MECOM: variants seen among roughly 807,000 people sequenced by gnomAD.
MECOM encodes MDS1 and EVI1 complex locus, also known as histone-lysine N-methyltransferase MECOM.
MECOM carries 13 observed loss-of-function variants against 116.3 expected under a neutral mutation model. The ratio of observed to expected loss-of-function variants is 0.11; its 90% confidence interval spans 0.07 to 0.18. The LOEUF is 0.18. MECOM is among the 10% of genes least tolerant of loss of function. The pLI, the probability that MECOM is intolerant of heterozygous loss-of-function variation, is 1.00. For missense variants in MECOM, 1,299 were observed against 1,509.0 expected (o/e 0.86, Z 2.31); for synonymous variants, 528 against 535.2 (o/e 0.99, Z 0.19).
chr3:169,448,265 G>A (rs145386674), intron 1 of MECOM, among the ~76,000 whole-genome samples: 11 of 152,260 alleles, frequency 7.2e-5, no homozygotes, highest in African/African-American at 1.9e-4. Context: ...CGTGTTATAC[G>A]TTGTGGGAAT....
chr3:169,264,121 T>C (rs914238125), intron 2 of MECOM, among the ~76,000 whole-genome samples: 2 of 152,218 alleles, frequency 1.3e-5, no homozygotes, highest in African/African-American at 4.8e-5. Flanking sequence ...AAGTGGACTC[T>C]GCCAAATGTT....
intron 2 of MECOM, among the ~76,000 whole-genome samples, chr3:169,328,222 C>G (rs930143507): frequency 6.6e-6 from 1 of 152,144 alleles, no homozygotes; most frequent in Non-Finnish European, 1.5e-5. Context: ...TGTTCCCAGC[C>G]CCTCCTTCCA....
At chr3:169,432,101 T>C (rs538411921) in intron 1 of MECOM, among the ~76,000 whole-genome samples, 2 of 152,210 alleles carry the variant, frequency 1.3e-5, no homozygotes, top group East Asian at 3.9e-4. Flanking sequence ...TCTTGTTTAA[T>C]TCTCTCCCTT....
intron 2 of MECOM, among the ~76,000 whole-genome samples, chr3:169,371,909 T>C (rs1022115751): frequency 1.3e-5 from 2 of 152,076 alleles, no homozygotes; most frequent in Non-Finnish European, 2.9e-5. Context: ...GGTGTCACTG[T>C]AGAATCTAAA....
intron 2 of MECOM, among the ~76,000 whole-genome samples, chr3:169,173,955 C>T (rs1744800488): frequency 6.6e-6 from 1 of 152,126 alleles, no homozygotes; most frequent in South Asian, 2.1e-4. Flanking sequence ...ATTGTAAGTC[C>T]TCATATTCAC....
At chr3:169,295,312 A>G (rs1355430532) in intron 2 of MECOM, among the ~76,000 whole-genome samples, 2 of 152,220 alleles carry the variant, frequency 1.3e-5, no homozygotes, top group Admixed American at 6.5e-5. Flanking sequence ...ACGTGACTCG[A>G]AGGATTTGCC....
chr3:169,376,500 T>C (rs556911357), intron 2 of MECOM, among the ~76,000 whole-genome samples: 1 of 152,292 alleles, frequency 6.6e-6, no homozygotes, highest in South Asian at 2.1e-4. Context: ...ACAACATCAA[T>C]GTGCAAAAAT....
At chr3:169,111,708 T>C (rs1157713687) in intron 9 of MECOM, among the ~76,000 whole-genome samples, 1 of 152,080 alleles carries the variant, frequency 6.6e-6, no homozygotes, top group Non-Finnish European at 1.5e-5. Flanking sequence ...TTAGTAATAG[T>C]AGATTTATCC....
intron 2 of MECOM, among the ~76,000 whole-genome samples, chr3:169,301,088 T>C (rs942760194): frequency 3.9e-5 from 6 of 152,226 alleles, no homozygotes; most frequent in African/African-American, 9.6e-5. Flanking sequence ...AACATGTTAG[T>C]TGGCTAATGT....
At chr3:169,198,591 C>T (rs1197929454) in intron 2 of MECOM, among the ~76,000 whole-genome samples, 2 of 151,894 alleles carry the variant, frequency 1.3e-5, no homozygotes, top group South Asian at 4.1e-4. Flanking sequence ...TTAATTTCTT[C>T]TCTTGCCACA....
rs114970094 is a variant in MECOM at position 169,191,941 on chromosome 3, G to A, written c.376-48109C>T. On this transcript the variant is annotated intron_variant, in intron 2 of 16. Transcript: ENST00000651503. Reference sequence around the variant, plus strand: ...GTGGAAAAAAAGAAGCATGTGTATCGGAGATACTGAACAGAGAATAGAGTG... The same window carrying A: ...GTGGAAAAAAAGAAGCATGTGTATCAGAGATACTGAACAGAGAATAGAGTG... Among the ~76,000 whole-genome samples the A allele has an allele frequency of 6.7e-3, 1,021 of 152,046 alleles. 7 individuals are homozygous for A. Among genetic ancestry groups the A allele is most frequent in the Middle Eastern group, 0.041 (12 of 294 alleles).
At chr3:169,476,657 T>A (rs376334983) in intron 1 of MECOM, among the ~76,000 whole-genome samples, 2 of 152,124 alleles carry the variant, frequency 1.3e-5, no homozygotes, top group African/African-American at 2.4e-5. Flanking sequence ...ACTCATGCTC[T>A]CTGCAAGTAA....
At chr3:169,586,488 C>T (rs374450009) in intron 1 of MECOM, among the ~76,000 whole-genome samples, 3 of 152,240 alleles carry the variant, frequency 2.0e-5, no homozygotes, top group African/African-American at 4.8e-5. Flanking sequence ...TTTTCACAAC[C>T]GTCCTTAAGG....
intron 5 of MECOM, among the ~76,000 whole-genome samples, chr3:169,124,636 T>C (rs1288397181): frequency 6.6e-6 from 1 of 152,098 alleles, no homozygotes; most frequent in African/African-American, 2.4e-5. Context: ...TACTGAACTA[T>C]TTTTGAATAA....
intron 2 of MECOM, among the ~76,000 whole-genome samples, 176 bp from the exon 3 acceptor site, chr3:169,144,008 T>C (rs1021612324): frequency 6.6e-6 from 1 of 152,190 alleles, no homozygotes; most frequent in Non-Finnish European, 1.5e-5. Context: ...AATGACAACA[T>C]ACTGCTTTTT....
intron 2 of MECOM, among the ~76,000 whole-genome samples, chr3:169,263,078 T>C (rs1218836600): frequency 0.023 from 26 of 1,130 alleles, no homozygotes; most frequent in Admixed American, 0.087. Context: ...TTCAAGATGC[T>C]ATATATATAT....
chr3:169,566,050 GAGGC>G, intron 1 of MECOM: 1 of 391,792 alleles, frequency 2.6e-6, no homozygotes, highest in Non-Finnish European at 5.0e-6. Flanking sequence ...TCTTCACATG[GAGGC>G]AGGAGAGAGA....
chr3:169,493,204 A>T (rs1420817003), intron 1 of MECOM, among the ~76,000 whole-genome samples: 2 of 152,200 alleles, frequency 1.3e-5, no homozygotes. Context: ...GGTACCAAGC[A>T]CTGGGGCTCA....
chr3:169,097,817 T>A (rs1442216877), intron 12 of MECOM, among the ~76,000 whole-genome samples: 11 of 87,212 alleles, frequency 1.3e-4, no homozygotes, highest in Admixed American at 7.2e-4. Flanking sequence ...ACTGTCTATA[T>A]AAAAAAAAAA....
Sources: gnomAD v4.1 joint callset for allele counts (sites outside exome capture counted in the v4.1 genomes callset) on GRCh38, gnomAD v4.1.1 for gene constraint, MANE v1.5 for transcripts, NCBI Gene and HGNC (gene_info 2026-07-23, HGNC 2026-07-21) for gene names.